Variants in RXRA observed in about 807,000 individuals in gnomAD.
RXRA encodes the protein retinoid X receptor alpha, also known as retinoic acid receptor RXR-alpha.
RXRA carries 5 observed loss-of-function variants against 44.5 expected under a neutral mutation model. That is an observed-to-expected ratio of 0.11 (90% CI 0.06 to 0.24). The LOEUF (loss-of-function observed/expected upper bound fraction) is 0.24, where lower values mean the gene tolerates loss of function less well. Among genes scored for constraint, RXRA ranks in the 10% least tolerant of loss-of-function variants. The probability of loss-of-function intolerance (pLI) is 1.00; values close to 1 mark genes in which losing one functional copy is unlikely to be tolerated. For synonymous variants in RXRA, 291 were observed against 271.4 expected, an observed-to-expected ratio of 1.07 and a Z score of -0.71; for missense variants, 412 against 646.5, an observed-to-expected ratio of 0.64 and a Z score of 3.93.
intron 1 of RXRA, among the ~76,000 whole-genome samples, chr9:134,333,927 T>C (rs1554746994): frequency 6.6e-6 from 1 of 152,178 alleles, no homozygotes; most frequent in Admixed American, 6.5e-5. Flanking sequence ...TCAGCCTTCC[T>C]TCCCAGCCAG....
chr9:134,352,065 C>T (rs1278149755), intron 1 of RXRA, among the ~76,000 whole-genome samples: 6 of 152,100 alleles, frequency 3.9e-5, no homozygotes, highest in African/African-American at 1.4e-4. Flanking sequence ...GGGGAGGGAG[C>T]GAGGCTGCAC....
At chr9:134,421,869 C>A (rs1007214542) in intron 6 of RXRA, 64 bp downstream of exon 6, 12 of 1,587,022 alleles carry the variant, frequency 7.6e-6, no homozygotes, top group South Asian at 2.2e-5. Context: ...CCAGGACACT[C>A]CCCCCTCCCG....
chr9:134,352,522 C>G (rs911764541), intron 1 of RXRA, among the ~76,000 whole-genome samples: 5 of 152,190 alleles, frequency 3.3e-5, no homozygotes, highest in Non-Finnish European at 7.3e-5. Flanking sequence ...GCAGTGGTCA[C>G]CCGGCAGTGT....
rs1400487230 is a variant in RXRA at position 134,422,545 on chromosome 9, C to A, written c.910+740C>A. 25 of 1,207,726 alleles carry A rather than the reference C, an allele frequency of 2.1e-5. No homozygotes were observed. In the African/African-American group the frequency reaches 3.4e-4, roughly 16 times the overall value. 74.8% of individuals were successfully genotyped at this position (1,207,726 alleles called of 1,614,324 possible). A position where few individuals can be genotyped will look rare whatever the true frequency, so the allele number is the denominator to read the frequency against. On this transcript the variant is annotated intron_variant, in intron 6 of 9. Transcript: ENST00000481739. Reference sequence around the variant, plus strand: ...ACTCCCCCCTTCCGGGACACTCCCCCCTCCTGGGACAGTCCCCACTCCCGG... The same window carrying A: ...ACTCCCCCCTTCCGGGACACTCCCCACTCCTGGGACAGTCCCCACTCCCGG...
chr9:134,372,463 A>AGGG (rs1830502663), intron 1 of RXRA, among the ~76,000 whole-genome samples: 1 of 151,996 alleles, frequency 6.6e-6, no homozygotes, highest in African/African-American at 2.4e-5. Flanking sequence ...CTGTCCCGTG[A>AGGG]GGGGAGACAG....
intron 1 of RXRA, among the ~76,000 whole-genome samples, chr9:134,339,123 C>T (rs1281930990): frequency 1.3e-5 from 2 of 152,236 alleles, no homozygotes; most frequent in Admixed American, 6.5e-5. Context: ...GGGGTTGGCC[C>T]CGTGGGCTCA....
At chr9:134,326,951 G>C (rs1554746107) in intron 1 of RXRA, among the ~76,000 whole-genome samples, 1 of 150,872 alleles carries the variant, frequency 6.6e-6, no homozygotes, top group East Asian at 2.0e-4. Flanking sequence ...GCGGCCGCCT[G>C]CGCCCCGGCG....
chr9:134,340,013 C>T (rs1554747938), intron 1 of RXRA, among the ~76,000 whole-genome samples: 1 of 152,062 alleles, frequency 6.6e-6, no homozygotes, highest in Non-Finnish European at 1.5e-5. Context: ...GTGTCCATGT[C>T]TGAGCCTGTA....
At chr9:134,422,940 G>A (rs1376246101) in intron 6 of RXRA, 1 of 985,490 alleles carries the variant, frequency 1.0e-6, no homozygotes, top group Non-Finnish European at 1.2e-6. Flanking sequence ...CTTTCCATGC[G>A]GTAATGGTGG....
chr9:134,411,744 C>T (rs760336652), intron 4 of RXRA, among the ~76,000 whole-genome samples: 2 of 152,230 alleles, frequency 1.3e-5, no homozygotes, highest in Non-Finnish European at 2.9e-5. Context: ...AACTCAGCCT[C>T]GGTGTGGAGG....
chr9:134,338,671 G>A (rs782344966), intron 1 of RXRA, among the ~76,000 whole-genome samples: 7 of 152,220 alleles, frequency 4.6e-5, no homozygotes, highest in African/African-American at 9.6e-5. Flanking sequence ...CAGCCTGGAC[G>A]TGGCTGATAA....
chr9:134,432,775 C>T (rs1341780327), intron 8 of RXRA, among the ~76,000 whole-genome samples: 3 of 152,006 alleles, frequency 2.0e-5, no homozygotes, highest in East Asian at 3.9e-4. Context: ...CCACTTCCTC[C>T]GGGAGCTGCA....
At chr9:134,332,942 G>A (rs1299109971) in intron 1 of RXRA, among the ~76,000 whole-genome samples, 1 of 152,040 alleles carries the variant, frequency 6.6e-6, no homozygotes, top group African/African-American at 2.4e-5. Context: ...CTTAGGCCAG[G>A]TCCCTGGGCT....
At chr9:134,434,869 G>C (rs868013604) in intron 9 of RXRA, among the ~76,000 whole-genome samples, 34 of 150,732 alleles carry the variant, frequency 2.3e-4, no homozygotes, top group African/African-American at 7.6e-4. Context: ...GGCGGGGAGG[G>C]GGTCGGGGGA....
At chr9:134,431,267 A>C (rs958199131) in intron 7 of RXRA, among the ~76,000 whole-genome samples, 30 of 152,240 alleles carry the variant, frequency 2.0e-4, no homozygotes, top group Non-Finnish European at 4.0e-4. Context: ...ATCCAGCTGC[A>C]GGGCTGGGGC....
At chr9:134,364,608 C>A (rs1830391938) in intron 1 of RXRA, among the ~76,000 whole-genome samples, 3 of 152,192 alleles carry the variant, frequency 2.0e-5, no homozygotes, top group Non-Finnish European at 4.4e-5. Context: ...CCCTGCAGAC[C>A]CTCTGGGCCA....
intron 1 of RXRA, among the ~76,000 whole-genome samples, chr9:134,363,739 A>G (rs1483698083): frequency 2.6e-5 from 4 of 152,188 alleles, no homozygotes; most frequent in African/African-American, 9.7e-5. Context: ...TCCTTGGGAC[A>G]GCCTTGTGGG....
intron 2 of RXRA, among the ~76,000 whole-genome samples, chr9:134,406,581 C>T (rs1240607217): frequency 2.6e-5 from 4 of 152,190 alleles, no homozygotes; most frequent in African/African-American, 7.2e-5. Context: ...GCGAGACAGC[C>T]ACTAGACCAG....
At position 134,407,797 on chromosome 9, in the gene RXRA, A is replaced by G. The variant is rs534937363; in HGVS notation, c.280-352A>G. ...GCACCCAGCGGGGCTGGGCACTGCC[A>G]GGGGCTCAGTAATGAGAGGCAGCTC... is the stretch of plus-strand genomic sequence containing the variant. On this transcript the variant is annotated intron_variant, in intron 2 of 9. Transcript: ENST00000481739. The surrounding 1 kb of genome is among the most constrained non-coding windows in gnomAD (Gnocchi z 4.8). Among the ~76,000 whole-genome samples the G allele has an allele frequency of 1.7e-3, 262 of 152,102 alleles. 1 individual carries two copies. Among genetic ancestry groups the G allele is most frequent in the Admixed American group, 3.7e-3 (56 of 15,296 alleles).
Sources: allele counts gnomAD v4.1 joint callset (sites outside exome capture counted in the v4.1 genomes callset), GRCh38; gene constraint gnomAD v4.1.1; non-coding constraint Gnocchi (gnomAD v3.1); transcripts MANE v1.5; gene names NCBI Gene and HGNC (gene_info 2026-07-23, HGNC 2026-07-21).